TULP4: variants seen among roughly 807,000 people sequenced by gnomAD.
TULP4 encodes TUB like protein 4.
A neutral mutation model predicts 129.0 loss-of-function variants in TULP4; 16 were observed. That is an observed-to-expected ratio of 0.12 (90% CI 0.08 to 0.19). The LOEUF is 0.19. Among genes scored for constraint, TULP4 ranks in the 10% least tolerant of loss-of-function variants. The pLI is 1.00. For synonymous variants in TULP4, 998 were observed against 854.0 expected (o/e 1.17, Z -2.94); for missense variants, 1,842 against 2,059.1 (o/e 0.89, Z 2.04).
At chr6:158,248,334 A>G (rs993452306) in intron 1 of TULP4, among the ~76,000 whole-genome samples, 7 of 151,954 alleles carry the variant, frequency 4.6e-5, no homozygotes, top group African/African-American at 1.5e-4. Context: ...CAGTGGCGCA[A>G]TCTTGGCTCA....
Position 158,511,275 on chromosome 6 carries a change from CTG to C in TULP4, c.*4583_*4584del, listed in dbSNP as rs917577749. ...GTTATGCGTTTGACTGAAAAAGACA[CTG>C]TATTATTTACCAAAGGGGTATTGTT... is the stretch of plus-strand genomic sequence containing the variant. On this transcript the variant is annotated 3_prime_UTR_variant, in exon 14 of 14. Transcript: ENST00000367097. 14 of 152,528 alleles carry C rather than the reference CTG, an allele frequency of 9.2e-5. No homozygotes were observed. Among genetic ancestry groups the C allele is most frequent in the South Asian group, 2.1e-4 (1 of 4,834 alleles). 9.4% of individuals were successfully genotyped at this position (152,528 alleles called of 1,614,324 possible).
chr6:158,306,606 GTA>G (rs2128479016), intron 1 of TULP4, among the ~76,000 whole-genome samples: 1 of 152,328 alleles, frequency 6.6e-6, no homozygotes, highest in South Asian at 2.1e-4. Context: ...TAGAGAGTTA[GTA>G]TATGTCTGTG....
chr6:158,449,375 C>G (rs1353034484), intron 4 of TULP4, among the ~76,000 whole-genome samples, 199 bp downstream of exon 4: 2 of 152,128 alleles, frequency 1.3e-5, no homozygotes, highest in Admixed American at 6.5e-5. Context: ...GCTGTTGTCC[C>G]TTTTCTCAGA....
intron 1 of TULP4, among the ~76,000 whole-genome samples, chr6:158,288,722 G>C (rs1046694426): frequency 3.9e-5 from 6 of 152,132 alleles, no homozygotes; most frequent in Admixed American, 3.9e-4. Context: ...GGATGGTCTC[G>C]ATCTCCTGAC....
At chr6:158,237,112 T>G (rs1357862435) in intron 1 of TULP4, among the ~76,000 whole-genome samples, 1 of 151,902 alleles carries the variant, frequency 6.6e-6, no homozygotes, top group Non-Finnish European at 1.5e-5. Context: ...CCCGGCCATA[T>G]TTTCAGTCCT....
chr6:158,328,309 T>A (rs1337070495), intron 1 of TULP4, among the ~76,000 whole-genome samples: 1 of 152,060 alleles, frequency 6.6e-6, no homozygotes, highest in Non-Finnish European at 1.5e-5. Flanking sequence ...CTTTTTTTTT[T>A]AGATGAGGAA....
chr6:158,254,281 T>TCC (rs1778204847), intron 1 of TULP4, among the ~76,000 whole-genome samples: 2 of 152,062 alleles, frequency 1.3e-5, no homozygotes, highest in South Asian at 4.2e-4. Context: ...TAGCTGGGAT[T>TCC]ACAGGAATGC....
chr6:158,247,390 C>A (rs200278294), intron 1 of TULP4, among the ~76,000 whole-genome samples: 1 of 152,298 alleles, frequency 6.6e-6, no homozygotes, highest in East Asian at 1.9e-4. Flanking sequence ...AGCTATTGAT[C>A]CAGCTAGTTA....
intron 1 of TULP4, among the ~76,000 whole-genome samples, chr6:158,336,019 C>G (rs942385424): frequency 6.6e-6 from 1 of 152,196 alleles, no homozygotes; most frequent in African/African-American, 2.4e-5. Flanking sequence ...TGCCAAACTT[C>G]TTTCCATAAT....
chr6:158,247,753 T>C (rs897844584), intron 1 of TULP4, among the ~76,000 whole-genome samples: 1 of 152,206 alleles, frequency 6.6e-6, no homozygotes, highest in African/African-American at 2.4e-5. Context: ...CATGGGGAAA[T>C]GCACATCATT....
intron 1 of TULP4, among the ~76,000 whole-genome samples, chr6:158,343,984 A>C (rs972966968): frequency 4.6e-5 from 7 of 152,318 alleles, no homozygotes; most frequent in Admixed American, 4.6e-4. Context: ...AAAAGAAGTG[A>C]AAATAGCCTT....
intron 1 of TULP4, among the ~76,000 whole-genome samples, chr6:158,275,122 A>C (rs1778621052): frequency 6.6e-6 from 1 of 152,188 alleles, no homozygotes; most frequent in African/African-American, 2.4e-5. Flanking sequence ...ATCTTACTAG[A>C]CTGGAACACA....
chr6:158,433,979 G>T (rs1364947358), intron 3 of TULP4, among the ~76,000 whole-genome samples: 1 of 152,202 alleles, frequency 6.6e-6, no homozygotes, highest in African/African-American at 2.4e-5. Context: ...AGATCAAGGT[G>T]TTGGCAGGTC....
chr6:158,391,712 G>A (rs1777588489), intron 1 of TULP4, among the ~76,000 whole-genome samples: 1 of 152,212 alleles, frequency 6.6e-6, no homozygotes, highest in Admixed American at 6.5e-5. Flanking sequence ...GCTTACTGCT[G>A]TATTTGAAGA....
At chr6:158,395,421 A>C (rs1467155369) in intron 1 of TULP4, among the ~76,000 whole-genome samples, 1 of 151,850 alleles carries the variant, frequency 6.6e-6, no homozygotes, top group Non-Finnish European at 1.5e-5. Flanking sequence ...TCTCTACTAA[A>C]AATACAAAAA....
intron 1 of TULP4, among the ~76,000 whole-genome samples, chr6:158,360,412 T>C (rs1474618044): frequency 6.6e-6 from 1 of 152,176 alleles, no homozygotes; most frequent in African/African-American, 2.4e-5. Context: ...CATGTCAGTG[T>C]CTGCCCAAGA....
intron 12 of TULP4, among the ~76,000 whole-genome samples, chr6:158,501,216 G>A (rs1399388288): frequency 6.6e-6 from 1 of 152,102 alleles, no homozygotes; most frequent in African/African-American, 2.4e-5. Context: ...CACATCTGTT[G>A]CATGACACTT....
chr6:158,441,563 C>T (rs764124719), intron 3 of TULP4, among the ~76,000 whole-genome samples: 2 of 152,182 alleles, frequency 1.3e-5, no homozygotes, highest in Non-Finnish European at 2.9e-5. Context: ...CACTGCTGCT[C>T]TACAGCCCCT....
intron 2 of TULP4, among the ~76,000 whole-genome samples, chr6:158,422,307 A>C (rs573339661): frequency 6.6e-6 from 1 of 152,252 alleles, no homozygotes; most frequent in Non-Finnish European, 1.5e-5. Context: ...AATAGAGATT[A>C]CAAGGTAACC....
Sources: gnomAD v4.1 joint callset for allele counts (sites outside exome capture counted in the v4.1 genomes callset) on GRCh38, gnomAD v4.1.1 for gene constraint, MANE v1.5 for transcripts, NCBI Gene and HGNC (gene_info 2026-07-23, HGNC 2026-07-21) for gene names.